PRKN: variants seen among roughly 807,000 people sequenced by gnomAD.
The protein encoded by PRKN is E3 ubiquitin-protein ligase parkin.
In PRKN, 56 loss-of-function variants were observed where a neutral mutation model predicts 59.5. That is an observed-to-expected ratio of 0.94 (90% CI 0.76 to 1.18). The LOEUF is 1.18. PRKN is among the 50% of genes most tolerant of loss of function. PRKN has a pLI of 0.00. For synonymous variants in PRKN, 250 were observed against 222.1 expected (o/e 1.13, Z -1.12); for missense variants, 657 against 596.4 (o/e 1.10, Z -1.06).
chr6:161,637,827 G>C (rs1394773987), intron 7 of PRKN, among the ~76,000 whole-genome samples: 1 of 152,084 alleles, frequency 6.6e-6, no homozygotes, highest in Non-Finnish European at 1.5e-5. Context: ...AATAGCTGTT[G>C]ACCTAGAGGC....
Position 161,549,425 on chromosome 6 carries a change from G to A in PRKN, c.934-422C>T, listed in dbSNP as rs1038021202. 1.3e-5 allele frequency among the ~76,000 whole-genome samples: 2 copies of A among 152,048 alleles called. No homozygotes were observed. Among genetic ancestry groups the A allele is most frequent in the Non-Finnish European group, 2.9e-5 (2 of 68,018 alleles). ...ATCTTATAAAGCAATATATTGTCAT[G>A]CCTCTATTTAAAATTCAACAAGGTT... On this transcript the variant is annotated intron_variant, in intron 8 of 11. Transcript: ENST00000366898. This position sits in a 1 kb window ranked among gnomAD's most constrained non-coding sequence, Gnocchi z 6.0.
intron 2 of PRKN, among the ~76,000 whole-genome samples, chr6:162,338,467 C>G (rs1042049214): frequency 3.3e-5 from 5 of 152,188 alleles, no homozygotes; most frequent in East Asian, 3.9e-4. Flanking sequence ...TTGGCCGGGC[C>G]GGTCTCCAGC....
chr6:161,726,555 G>A (rs1478193751), intron 7 of PRKN, among the ~76,000 whole-genome samples: 4 of 152,172 alleles, frequency 2.6e-5, no homozygotes, highest in Non-Finnish European at 5.9e-5. Context: ...TTTGAATACA[G>A]TTGGTAAGAA....
chr6:161,693,496 G>A (rs1214162575), intron 7 of PRKN, among the ~76,000 whole-genome samples: 1 of 152,160 alleles, frequency 6.6e-6, no homozygotes, highest in Non-Finnish European at 1.5e-5. Flanking sequence ...AAAATTATGT[G>A]TCTCTGCTGA....
intron 4 of PRKN, among the ~76,000 whole-genome samples, chr6:162,073,195 G>A (rs1227324948): frequency 1.3e-5 from 2 of 152,190 alleles, no homozygotes; most frequent in African/African-American, 4.8e-5. Flanking sequence ...CCGTCTGATA[G>A]GAGAGAGAAT....
intron 2 of PRKN, among the ~76,000 whole-genome samples, chr6:162,354,184 C>A (rs1382483027): frequency 6.6e-6 from 1 of 152,224 alleles, no homozygotes; most frequent in Admixed American, 6.5e-5. Context: ...GGTATACACA[C>A]CATTCCTTGA....
At chr6:162,678,051 C>T (rs1779620004) in intron 1 of PRKN, among the ~76,000 whole-genome samples, 1 of 152,166 alleles carries the variant, frequency 6.6e-6, no homozygotes, top group Non-Finnish European at 1.5e-5. Flanking sequence ...CAAGTCAAAT[C>T]ACACAGTTTA....
intron 1 of PRKN, among the ~76,000 whole-genome samples, chr6:162,503,140 T>C (rs913061878): frequency 6.9e-5 from 10 of 145,902 alleles, no homozygotes; most frequent in East Asian, 4.0e-4. Flanking sequence ...TCATTTCTTT[T>C]TTTTTTTTTT....
At chr6:162,053,380 G>A (rs564728153) in intron 5 of PRKN, among the ~76,000 whole-genome samples, 34 of 152,278 alleles carry the variant, frequency 2.2e-4, no homozygotes, top group African/African-American at 8.2e-4. Flanking sequence ...CTCAGGAAAT[G>A]TATACAGTTA....
At chr6:161,821,392 T>C (rs535573437) in intron 6 of PRKN, among the ~76,000 whole-genome samples, 75 of 152,258 alleles carry the variant, frequency 4.9e-4, no homozygotes, top group Middle Eastern at 3.4e-3. Context: ...TGTCTGGTTA[T>C]AATTCTATGG....
chr6:162,251,762 T>A (rs1329564580), intron 3 of PRKN, among the ~76,000 whole-genome samples: 1 of 152,188 alleles, frequency 6.6e-6, no homozygotes. Flanking sequence ...ACTCAGTAAT[T>A]TGGAATTGAA....
In PRKN at chr6:161,414,723, T is replaced by C. The variant is rs1396747843; in HGVS notation, c.1084-27846A>G. On this transcript the variant is annotated intron_variant, in intron 9 of 11. Coordinates refer to ENST00000366898, the MANE Select transcript of PRKN (RefSeq NM_004562.3). The surrounding 1 kb of genome is among the most constrained non-coding windows in gnomAD (Gnocchi z 5.3). ...ATCTTTTCCTGATGAAGCCCCAAAG[T>C]GCAAAAGGCATGAAAGGCACATTAT... Among the ~76,000 whole-genome samples the C allele has an allele frequency of 6.6e-6, 1 of 152,130 alleles. No individual in the cohort carries two copies. Among genetic ancestry groups the C allele is most frequent in the African/African-American group, 2.4e-5 (1 of 41,410 alleles).
At position 161,593,623 on chromosome 6, in the gene PRKN, G is replaced by T. The variant is rs2128141405; in HGVS notation, c.872-24207C>A. Among the ~76,000 whole-genome samples the T allele has an allele frequency of 6.6e-6, 1 of 152,270 alleles. No homozygotes were observed. The highest frequency in any genetic ancestry group is 1.5e-5 in the Non-Finnish European group (1 of 68,022). On this transcript the variant is annotated intron_variant, in intron 7 of 11. Coordinates refer to ENST00000366898, the MANE Select transcript of PRKN (RefSeq NM_004562.3). This position sits in a 1 kb window ranked among gnomAD's most constrained non-coding sequence, Gnocchi z 4.8. ...AGCAGACAAAGGAAAAGGAGGCAGG[G>T]GTTGCGCTGCCACTTTTATCCTGAG...
chr6:161,430,814 CAAAAAAAAAAAAA>C (rs35611748), intron 9 of PRKN, among the ~76,000 whole-genome samples: 2 of 58,340 alleles, frequency 3.4e-5, no homozygotes, highest in African/African-American at 7.1e-5. Flanking sequence ...GACTCCGTCT[CAAAAAAAAAAAAA>C]AAAAAAAAAA....
intron 2 of PRKN, among the ~76,000 whole-genome samples, chr6:162,370,851 A>C (rs1484452544): frequency 6.6e-6 from 1 of 152,124 alleles, no homozygotes; most frequent in African/African-American, 2.4e-5. Context: ...GTCTGGAAAA[A>C]GAGTTTAGTG....
In PRKN at chr6:161,458,273, C is replaced by T. The variant is rs1790059622; in HGVS notation, c.1084-71396G>A. 6.6e-6 allele frequency among the ~76,000 whole-genome samples: 1 copy of T among 152,100 alleles called. No individual in the cohort carries two copies. The highest frequency in any genetic ancestry group is 2.1e-4 in the South Asian group (1 of 4,830). On this transcript the variant is annotated intron_variant, in intron 9 of 11. Coordinates refer to ENST00000366898, the MANE Select transcript of PRKN (RefSeq NM_004562.3). The surrounding 1 kb of genome is among the most constrained non-coding windows in gnomAD (Gnocchi z 6.1). Reference sequence around the variant, plus strand: ...CAGAAACGTGTTGTCATTCTTTAATCATGATCATTATTGGAGAATATGATT... The same window carrying T: ...CAGAAACGTGTTGTCATTCTTTAATTATGATCATTATTGGAGAATATGATT...
At chr6:161,733,783 A>ATATATATATATATGTATATATATAT (rs1554298472) in intron 7 of PRKN, among the ~76,000 whole-genome samples, 6 of 86,216 alleles carry the variant, frequency 7.0e-5, no homozygotes, top group Admixed American at 1.3e-4. Context: ...AAAAAAAAAA[A>ATATATATATATATGTATATATATAT]ATATATATAT....
intron 6 of PRKN, among the ~76,000 whole-genome samples, chr6:161,809,373 A>G (rs1236427163): frequency 2.0e-5 from 3 of 152,112 alleles, no homozygotes; most frequent in African/African-American, 7.2e-5. Flanking sequence ...ATTTATGGTG[A>G]CAATGAATCT....
intron 9 of PRKN, among the ~76,000 whole-genome samples, chr6:161,513,337 T>A (rs886382671): frequency 3.2e-4 from 48 of 151,992 alleles, no homozygotes; most frequent in African/African-American, 1.1e-3. Context: ...GCCCCCCGGG[T>A]TCAAGTGATT....
Sources: allele counts gnomAD v4.1 joint callset (sites outside exome capture counted in the v4.1 genomes callset), GRCh38; gene constraint gnomAD v4.1.1; non-coding constraint Gnocchi (gnomAD v3.1); transcripts MANE v1.5; gene names NCBI Gene and HGNC (gene_info 2026-07-23, HGNC 2026-07-21).